Variants in ESRRB observed in about 807,000 individuals in gnomAD.
The protein encoded by ESRRB is steroid hormone receptor ERR2.
A neutral mutation model predicts 46.0 loss-of-function variants in ESRRB; 16 were observed. That is an observed-to-expected ratio of 0.35 (90% CI 0.24 to 0.53). ESRRB has a LOEUF of 0.53. ESRRB is among the 20% of genes least tolerant of loss of function. The pLI, the probability that ESRRB is intolerant of heterozygous loss-of-function variation, is 0.93. For synonymous variants in ESRRB, 246 were observed against 259.6 expected (o/e 0.95, Z 0.50); for missense variants, 488 against 607.4 (o/e 0.80, Z 2.07).
chr14:76,420,558 A>AGT (rs61137774), intron 1 of ESRRB, among the ~76,000 whole-genome samples: 39,230 of 142,254 alleles, frequency 0.28, 4,542 homozygotes, highest in Middle Eastern at 0.35. Context: ...ACAGGGTGTG[A>AGT]GTGTGTGTGT....
At position 76,325,911 on chromosome 14, in the gene ESRRB, C is replaced by T. The variant is rs75452165; in HGVS notation, c.2+14995C>T. Among the ~76,000 whole-genome samples the T allele has an allele frequency of 4.6e-3, 698 of 152,352 alleles. 5 individuals carry two copies. The highest frequency in any genetic ancestry group is 0.016 in the African/African-American group (678 of 41,584). On this transcript the variant is annotated intron_variant, in intron 1 of 6. Coordinates refer to the ESRRB transcript ENST00000512784. Reference sequence around the variant, plus strand: ...CCTCTACTGCACTCAGCCTCCTCTTCTCATCGCCCGCCTGTGCTGCACACC... The same window carrying T: ...CCTCTACTGCACTCAGCCTCCTCTTTTCATCGCCCGCCTGTGCTGCACACC...
intron 1 of ESRRB, among the ~76,000 whole-genome samples, chr14:76,420,030 C>A (rs904819123): frequency 6.6e-6 from 1 of 152,190 alleles, no homozygotes; most frequent in Non-Finnish European, 1.5e-5. Context: ...TCTTTACACA[C>A]CATATTGGTC....
At chr14:76,454,325 A>G (rs1348622063) in intron 2 of ESRRB, among the ~76,000 whole-genome samples, 1 of 152,250 alleles carries the variant, frequency 6.6e-6, no homozygotes, top group Non-Finnish European at 1.5e-5. Context: ...CTTGAGATAC[A>G]GAAATGAAAA....
At chr14:76,323,041 C>A (rs191472388) in intron 1 of ESRRB, among the ~76,000 whole-genome samples, 1 of 152,174 alleles carries the variant, frequency 6.6e-6, no homozygotes, top group Non-Finnish European at 1.5e-5. Flanking sequence ...AGCCTGTAGT[C>A]TCCCTTCTGA....
At chr14:76,460,340 C>A (rs184847750) in intron 2 of ESRRB, among the ~76,000 whole-genome samples, 2 of 152,220 alleles carry the variant, frequency 1.3e-5, no homozygotes, top group African/African-American at 2.4e-5. Flanking sequence ...CCTTGGGTAA[C>A]CTGCTTCAGC....
At chr14:76,449,126 A>G (rs1419548056) in intron 2 of ESRRB, among the ~76,000 whole-genome samples, 1 of 152,182 alleles carries the variant, frequency 6.6e-6, no homozygotes, top group Admixed American at 6.5e-5. Context: ...GTCCTACACC[A>G]TAAGGGGAGT....
At chr14:76,484,370 GA>G (rs890909952) in intron 5 of ESRRB, among the ~76,000 whole-genome samples, 8 of 152,184 alleles carry the variant, frequency 5.3e-5, no homozygotes, top group Non-Finnish European at 8.8e-5. Context: ...ACCTCTCGGG[GA>G]TTACACACTC....
chr14:76,426,202 G>A (rs928271978), intron 1 of ESRRB, among the ~76,000 whole-genome samples: 3 of 152,182 alleles, frequency 2.0e-5, no homozygotes, highest in African/African-American at 7.2e-5. Flanking sequence ...CAGGGTCTTG[G>A]AGCCCCCTGG....
At chr14:76,372,144 C>A (rs904732349), upstream of ESRRB, among the ~76,000 whole-genome samples, 2 of 152,050 alleles carry the variant, frequency 1.3e-5, no homozygotes, top group South Asian at 4.1e-4. Context: ...GATGGCATAC[C>A]CTGAGGACTT....
intron 1 of ESRRB, among the ~76,000 whole-genome samples, chr14:76,353,125 T>C (rs1884334659): frequency 6.6e-6 from 1 of 152,190 alleles, no homozygotes. Flanking sequence ...GCGGCCTCTC[T>C]CACGAGCGTG....
At chr14:76,321,886 C>CAAAAA (rs35191942) in intron 1 of ESRRB, among the ~76,000 whole-genome samples, 19 of 142,002 alleles carry the variant, frequency 1.3e-4, no homozygotes, top group Non-Finnish European at 1.8e-4. Context: ...GACTCCGTCT[C>CAAAAA]AAAAAAAAAA....
chr14:76,386,353 T>C lies in ESRRB; in HGVS notation c.50+9902T>C, dbSNP rs147256847. On this transcript the variant is annotated intron_variant, in intron 1 of 6. Transcript: ENST00000644823. ...TAAATCTGGCAACCCTATCTACCCATGACTGTTTTTCTTAAAATAGTCTGA... is the reference window on the plus strand; with the variant it reads ...TAAATCTGGCAACCCTATCTACCCACGACTGTTTTTCTTAAAATAGTCTGA... Among the ~76,000 whole-genome samples the C allele has an allele frequency of 8.9e-3, 1,348 of 152,312 alleles. 16 individuals carry two copies. Among genetic ancestry groups the C allele is most frequent in the Middle Eastern group, 0.017 (5 of 294 alleles).
At chr14:76,338,579 C>A (rs905289435) in intron 1 of ESRRB, among the ~76,000 whole-genome samples, 1 of 152,242 alleles carries the variant, frequency 6.6e-6, no homozygotes, top group Non-Finnish European at 1.5e-5. Flanking sequence ...CACATATTCT[C>A]CCCTCCTTTC....
intron 1 of ESRRB, among the ~76,000 whole-genome samples, chr14:76,386,341 C>G (rs1241602707): frequency 1.3e-5 from 2 of 152,042 alleles, no homozygotes; most frequent in East Asian, 1.9e-4. Context: ...ATCTGGCAAC[C>G]CTATCTACCC....
At chr14:76,347,255 A>G (rs1318631043) in intron 1 of ESRRB, among the ~76,000 whole-genome samples, 1 of 152,146 alleles carries the variant, frequency 6.6e-6, no homozygotes, top group African/African-American at 2.4e-5. Flanking sequence ...GTATGTGGGT[A>G]GTGGGAAAAG....
Position 76,499,053 on chromosome 14 carries a change from G to T in ESRRB, c.*595G>T. ...GGTACCCACAGGAGAGCAGCGGCTA[G>T]AGCTCAAGTGCTTCCTGGGCACCCC... On this transcript the variant is annotated 3_prime_UTR_variant, in exon 7 of 7. Transcript: ENST00000644823. The T allele has an allele frequency of 2.9e-6, 1 of 344,090 alleles. No homozygotes were observed. The highest frequency in any genetic ancestry group is 2.2e-5 in the South Asian group (1 of 45,934). The allele number at this position is 344,090 out of a possible 1,614,324, so 21.3% of individuals were successfully genotyped here.
chr14:76,441,882 C>T (rs1887937025), intron 2 of ESRRB, among the ~76,000 whole-genome samples: 1 of 152,200 alleles, frequency 6.6e-6, no homozygotes, highest in African/African-American at 2.4e-5. Flanking sequence ...CCTCACTGTC[C>T]CCAGAATGTA....
chr14:76,358,397 A>AAGAAAGAGAGAG (rs1566859713), intron 1 of ESRRB, among the ~76,000 whole-genome samples: 15 of 126,970 alleles, frequency 1.2e-4, no homozygotes, highest in African/African-American at 4.7e-4. Context: ...GAAAGAAAGA[A>AAGAAAGAGAGAG]AGAAAGAAAG....
At chr14:76,483,463 C>T (rs1042485536) in intron 5 of ESRRB, among the ~76,000 whole-genome samples, 28 of 152,164 alleles carry the variant, frequency 1.8e-4, no homozygotes, top group Non-Finnish European at 1.0e-4. Context: ...CTTTCTGGTG[C>T]GGAAAGTGTG....
Sources: gnomAD v4.1 joint callset for allele counts (sites outside exome capture counted in the v4.1 genomes callset) on GRCh38, gnomAD v4.1.1 for gene constraint, MANE v1.5 for transcripts, NCBI Gene and HGNC (gene_info 2026-07-23, HGNC 2026-07-21) for gene names.